CHCHD3: variants seen among roughly 807,000 people sequenced by gnomAD.
CHCHD3 encodes the protein coiled-coil-helix-coiled-coil-helix domain containing 3, also known as MICOS complex subunit MIC19.
In CHCHD3, 20 loss-of-function variants were observed where a neutral mutation model predicts 38.2. The observed-to-expected ratio is 0.52, with a 90% confidence interval of 0.37 to 0.76. The LOEUF is 0.76. CHCHD3 is among the 30% of genes least tolerant of loss of function. The pLI is 0.00. For synonymous variants in CHCHD3, 82 were observed against 100.0 expected (o/e 0.82, Z 1.07); for missense variants, 245 against 279.2 (o/e 0.88, Z 0.87).
chr7:132,965,704 T>C (rs1479502853), intron 4 of CHCHD3, among the ~76,000 whole-genome samples: 1 of 152,202 alleles, frequency 6.6e-6, no homozygotes, highest in Non-Finnish European at 1.5e-5. Flanking sequence ...TGAAGTTTAA[T>C]TTCTAAGCAG....
chr7:132,907,868 T>C (rs529078933), intron 4 of CHCHD3, among the ~76,000 whole-genome samples: 1 of 152,144 alleles, frequency 6.6e-6, no homozygotes, highest in East Asian at 1.9e-4. Flanking sequence ...TTTCTAAATA[T>C]CTTCTAAAGG....
chr7:132,882,120 C>T (rs1455491588), intron 5 of CHCHD3, among the ~76,000 whole-genome samples: 1 of 152,134 alleles, frequency 6.6e-6, no homozygotes, highest in East Asian at 1.9e-4. Flanking sequence ...ATTTGTTAAG[C>T]TCTTTCCAGC....
intron 4 of CHCHD3, among the ~76,000 whole-genome samples, chr7:132,922,742 G>T (rs1238593965): frequency 6.6e-6 from 1 of 152,048 alleles, no homozygotes; most frequent in African/African-American, 2.4e-5. Context: ...CACTCTCAGG[G>T]TTTAGCCACA....
chr7:132,923,523 C>T lies in CHCHD3; in HGVS notation c.370-37778G>A, dbSNP rs117393293. 5.3e-4 allele frequency among the ~76,000 whole-genome samples: 81 copies of T among 152,104 alleles called. 1 individual carries two copies. The highest frequency in any genetic ancestry group is 1.0e-3 in the Non-Finnish European group (68 of 67,964). On this transcript the variant is annotated intron_variant, in intron 4 of 7. Coordinates refer to ENST00000262570, the MANE Select transcript of CHCHD3 (RefSeq NM_017812.4). Reference sequence around the variant, plus strand: ...ACAACCAGCTGGAATATAGTAGTTACGTTGAATAAGATTTTTTCAAAAAAA... The same window carrying T: ...ACAACCAGCTGGAATATAGTAGTTATGTTGAATAAGATTTTTTCAAAAAAA...
At chr7:133,007,756 C>T (rs1272529630) in intron 3 of CHCHD3, among the ~76,000 whole-genome samples, 1 of 152,152 alleles carries the variant, frequency 6.6e-6, no homozygotes. Flanking sequence ...ATTTACTTGC[C>T]CTTTGAAAAT....
intron 2 of CHCHD3, among the ~76,000 whole-genome samples, chr7:133,055,577 CTAATA>C (rs1814303267): frequency 1.4e-5 from 2 of 144,704 alleles, no homozygotes; most frequent in African/African-American, 2.5e-5. Flanking sequence ...ATAATTAATT[CTAATA>C]TAATTGTGTT....
intron 3 of CHCHD3, among the ~76,000 whole-genome samples, chr7:132,995,294 A>G (rs1441913615): frequency 6.6e-6 from 1 of 152,196 alleles, no homozygotes; most frequent in Non-Finnish European, 1.5e-5. Context: ...TGATGAGTCT[A>G]GGAATAAGTA....
At chr7:133,008,343 T>G (rs1166929235) in intron 3 of CHCHD3, among the ~76,000 whole-genome samples, 1 of 141,894 alleles carries the variant, frequency 7.0e-6, no homozygotes, top group Admixed American at 7.4e-5. Flanking sequence ...CTCGGCAGAT[T>G]AAGCTATCGA....
chr7:132,967,895 A>G (rs1811517456), intron 4 of CHCHD3, among the ~76,000 whole-genome samples: 1 of 151,798 alleles, frequency 6.6e-6, no homozygotes, highest in African/African-American at 2.4e-5. Context: ...CTGACAATGT[A>G]CATTTCAGAA....
intron 2 of CHCHD3, among the ~76,000 whole-genome samples, chr7:133,042,379 C>T (rs147309908): frequency 1.6e-4 from 24 of 152,322 alleles, no homozygotes; most frequent in Non-Finnish European, 2.9e-4. Context: ...CAAGGCTTAA[C>T]ACCAAGAGAA....
chr7:132,975,125 T>C, intron 4 of CHCHD3, 44 bp downstream of exon 4: 1 of 1,468,024 alleles, frequency 6.8e-7, no homozygotes, highest in Non-Finnish European at 9.5e-7. Context: ...CATCAGAGAT[T>C]TCCTTGTAGG....
chr7:132,813,938 G>A (rs1296339399), intron 6 of CHCHD3, among the ~76,000 whole-genome samples: 1 of 152,190 alleles, frequency 6.6e-6, no homozygotes, highest in East Asian at 1.9e-4. Context: ...GGGAGCAACA[G>A]TCCACCCTAT....
intron 4 of CHCHD3, among the ~76,000 whole-genome samples, chr7:132,965,967 G>T (rs1305344420): frequency 1.3e-5 from 2 of 152,184 alleles, no homozygotes; most frequent in Admixed American, 1.3e-4. Context: ...GAAGACATTT[G>T]ATAAGTTTAC....
intron 6 of CHCHD3, among the ~76,000 whole-genome samples, chr7:132,826,002 CA>C (rs1431175579): frequency 6.6e-6 from 1 of 152,200 alleles, no homozygotes; most frequent in Non-Finnish European, 1.5e-5. Flanking sequence ...ATTCATTTTT[CA>C]TCCTGAAAGC....
At chr7:132,815,025 T>G (rs1395255166) in intron 6 of CHCHD3, among the ~76,000 whole-genome samples, 1 of 152,194 alleles carries the variant, frequency 6.6e-6, no homozygotes, top group Admixed American at 6.5e-5. Flanking sequence ...CTAAATTGAA[T>G]AGCATAATGA....
At chr7:132,844,273 T>C (rs939365877) in intron 5 of CHCHD3, among the ~76,000 whole-genome samples, 2 of 152,054 alleles carry the variant, frequency 1.3e-5, no homozygotes, top group Non-Finnish European at 2.9e-5. Context: ...ACTCCAGCCT[T>C]GGCGACAGAG....
chr7:133,032,350 T>C (rs1813527087), intron 2 of CHCHD3, among the ~76,000 whole-genome samples: 1 of 152,168 alleles, frequency 6.6e-6, no homozygotes, highest in Non-Finnish European at 1.5e-5. Context: ...TTAAAGTTAA[T>C]GAAGATGGTA....
chr7:132,909,705 G>A (rs927146703), intron 4 of CHCHD3, among the ~76,000 whole-genome samples: 1 of 152,144 alleles, frequency 6.6e-6, no homozygotes, highest in Non-Finnish European at 1.5e-5. Context: ...GCCAATAAGT[G>A]GTCAAGATGA....
intron 2 of CHCHD3, chr7:133,034,690 T>C: frequency 3.7e-6 from 6 of 1,613,162 alleles, no homozygotes; most frequent in African/African-American, 1.3e-5. Context: ...CGAACCAGCG[T>C]CTGGGTCTCC....
Sources: allele counts gnomAD v4.1 joint callset (sites outside exome capture counted in the v4.1 genomes callset), GRCh38; gene constraint gnomAD v4.1.1; transcripts MANE v1.5; gene names NCBI Gene and HGNC (gene_info 2026-07-23, HGNC 2026-07-21).